The following FAM47E variants were observed in gnomAD, a reference collection of about 807,000 sequenced individuals.
FAM47E encodes the protein protein FAM47E.
A neutral mutation model predicts 41.6 loss-of-function variants in FAM47E; 32 were observed. The ratio of observed to expected loss-of-function variants is 0.77; its 90% CI spans 0.58 to 1.03. FAM47E has a LOEUF of 1.03. FAM47E is among the 50% of genes least tolerant of loss of function. FAM47E has a pLI of 0.00. For missense variants in FAM47E, 424 were observed against 485.4 expected, an observed-to-expected ratio of 0.87 and a Z score of 1.19; for synonymous variants, 184 against 188.7, an observed-to-expected ratio of 0.98 and a Z score of 0.20.
chr4:76,225,879 G>A (rs576013482), intron 2 of FAM47E, among the ~76,000 whole-genome samples: 8 of 152,158 alleles, frequency 5.3e-5, no homozygotes, highest in South Asian at 4.2e-4. Context: ...TCCTGGTTTC[G>A]GTATTAGGGT....
chr4:76,241,130 A>T (rs1378999598), intron 2 of FAM47E, among the ~76,000 whole-genome samples: 1 of 152,098 alleles, frequency 6.6e-6, no homozygotes, highest in East Asian at 1.9e-4. Context: ...ATTAGCCTGA[A>T]ATATAAGCTT....
chr4:76,236,995 A>G (rs1733598860), intron 2 of FAM47E, among the ~76,000 whole-genome samples: 1 of 149,922 alleles, frequency 6.7e-6, no homozygotes, highest in Non-Finnish European at 1.5e-5. Flanking sequence ...TCCCAGGTTC[A>G]TGCCATTCTC....
intron 4 of FAM47E, chr4:76,269,352 C>G (rs1273640814): frequency 6.6e-6 from 1 of 152,438 alleles, no homozygotes; most frequent in Admixed American, 6.5e-5. Context: ...TGCAGTGGCT[C>G]ATGCCTGTAA....
Position 76,276,033 on chromosome 4 carries a change from G to GACAC in FAM47E, c.871-2033_871-2032insCACA, listed in dbSNP as rs757663103. On this transcript the variant is annotated intron_variant, in intron 5 of 7. Transcript: ENST00000424749. ...CATGGGACAGACAGACAGACAGACA[G>GACAC]ACAGACACACACACACACACACACA... 3.4e-4 allele frequency among the ~76,000 whole-genome samples: 27 copies of GACAC among 79,356 alleles called. No individual in the cohort carries two copies. The East Asian group carries it at 4.7e-3, about 14-fold the overall frequency. The allele number at this position is 79,356 out of a possible 152,430, so 52.1% of individuals were successfully genotyped here. A position where few individuals can be genotyped will look rare whatever the true frequency, so the allele number is the denominator to read the frequency against.
At chr4:76,255,417 A>G (rs1036957973) in intron 1 of FAM47E, among the ~76,000 whole-genome samples, 2 of 152,180 alleles carry the variant, frequency 1.3e-5, no homozygotes, top group Non-Finnish European at 1.5e-5. Flanking sequence ...TTCTCAATTT[A>G]TGTTAGCTAT....
At chr4:76,282,153 C>T (rs1003823446) in intron 7 of FAM47E, 9 of 152,126 alleles carry the variant, frequency 5.9e-5, no homozygotes, top group African/African-American at 2.2e-4. Flanking sequence ...AAAATAGAAA[C>T]ACAATCTTTC....
At chr4:76,280,484 G>A in intron 7 of FAM47E, 143 bp downstream of exon 7, 1 of 521,784 alleles carries the variant, frequency 1.9e-6, no homozygotes, top group Non-Finnish European at 3.4e-6. Context: ...GAAAGGGCAT[G>A]CTTCTCCCCA....
chr4:76,283,010 T>G (rs1226630430), intron 7 of FAM47E: 3 of 172,204 alleles, frequency 1.7e-5, no homozygotes, highest in Non-Finnish European at 3.7e-5. Flanking sequence ...TGCACTTACC[T>G]ACACATTCCA....
At chr4:76,248,360 C>T (rs1733877352), upstream of FAM47E, among the ~76,000 whole-genome samples, 1 of 151,878 alleles carries the variant, frequency 6.6e-6, no homozygotes, top group Non-Finnish European at 1.5e-5. Context: ...GCAGATTTGT[C>T]CCTATGTTTT....
chr4:76,271,727 T>C lies in FAM47E; in HGVS notation c.829T>C (p.Phe277Leu), dbSNP rs1405951022. ...CAGTAAACTGCAGGAGACAGAGTTC[T>C]TCCAGAAACTAGGCTATGAGAGGAA... ...GLSKLQETEFFQKLGYERKLQ... is the reference protein window; with the variant it reads ...GLSKLQETEFLQKLGYERKLQ... Residue 277 changes from phenylalanine to leucine, a missense_variant, in exon 5 of 8, where the codon TTC becomes CTC. Physicochemically the swap from Phe to Leu is conservative, Grantham distance 22 (BLOSUM62 0). Transcript: ENST00000424749. The C allele has an allele frequency of 1.3e-6, 2 of 1,551,668 alleles. No individual in the cohort carries two copies. The highest frequency in any genetic ancestry group is 2.4e-5 in the South Asian group (2 of 84,048).
chr4:76,227,138 T>C (rs1391758952), intron 2 of FAM47E, among the ~76,000 whole-genome samples: 1 of 152,210 alleles, frequency 6.6e-6, no homozygotes, highest in African/African-American at 2.4e-5. Context: ...TTGTGCTCTT[T>C]CAGACTTTTT....
upstream of FAM47E, among the ~76,000 whole-genome samples, chr4:76,247,706 A>G (rs947960440): frequency 1.3e-5 from 2 of 151,962 alleles, no homozygotes; most frequent in African/African-American, 4.8e-5. Context: ...ATGATGTTGA[A>G]CATCTTTTGA....
At chr4:76,282,285 G>A (rs569634544) in intron 7 of FAM47E, 1 of 152,292 alleles carries the variant, frequency 6.6e-6, no homozygotes, top group African/African-American at 2.4e-5. Flanking sequence ...ATTCTCAGAA[G>A]GGAGTATGCC....
rs763456757 is a variant in FAM47E at position 76,256,486 on chromosome 4, C to T, written c.383C>T (p.Ala128Val). 5.5e-5 allele frequency: 85 copies of T among 1,551,240 alleles called. 1 individual carries two copies. Among genetic ancestry groups the T allele is most frequent in the Middle Eastern group, 1.7e-4 (1 of 6,012 alleles). ...GCCCACCTGACCCCACATCCCTTAG[C>T]GCTCTACCTGAATCTGGAAGAAGCT... ...VEAHLTPHPL[A>V]LYLNLEEAMP... Residue 128 changes from alanine to valine, a missense_variant, in exon 2 of 8, where the codon GCG becomes GTG. By Grantham distance (64) the Ala-to-Val change is moderately conservative. Coordinates refer to ENST00000424749, the MANE Select transcript of FAM47E (RefSeq NM_001136570.3).
At chr4:76,220,811 C>T (rs2109979525) in intron 2 of FAM47E, among the ~76,000 whole-genome samples, 1 of 152,248 alleles carries the variant, frequency 6.6e-6, no homozygotes, top group East Asian at 1.9e-4. Context: ...AAAGGGATAA[C>T]CAGTCATAGG....
chr4:76,237,351 GTTTTTT>G (rs71924228), intron 2 of FAM47E, among the ~76,000 whole-genome samples: 18 of 141,828 alleles, frequency 1.3e-4, no homozygotes, highest in South Asian at 4.4e-4. Flanking sequence ...GGGCCTTAGA[GTTTTTT>G]TTTTTTTGTT....
At chr4:76,273,902 T>C (rs932060480) in intron 5 of FAM47E, among the ~76,000 whole-genome samples, 1 of 151,878 alleles carries the variant, frequency 6.6e-6, no homozygotes, top group Non-Finnish European at 1.5e-5. Flanking sequence ...CCATCTAGTA[T>C]TTTTTTAGAA....
intron 2 of FAM47E, among the ~76,000 whole-genome samples, chr4:76,220,928 G>C (rs1190586828): frequency 6.6e-6 from 1 of 152,162 alleles, no homozygotes; most frequent in African/African-American, 2.4e-5. Flanking sequence ...AGCGGAGTCA[G>C]TACACACACT....
At chr4:76,220,837 A>G (rs1218806623) in intron 2 of FAM47E, among the ~76,000 whole-genome samples, 1 of 152,238 alleles carries the variant, frequency 6.6e-6, no homozygotes, top group African/African-American at 2.4e-5. Context: ...TTTCTGTTAC[A>G]TAAGAAGCAA....
Sources: gnomAD v4.1 joint callset for allele counts (sites outside exome capture counted in the v4.1 genomes callset) on GRCh38, gnomAD v4.1.1 for gene constraint, MANE v1.5 for transcripts, NCBI Gene and HGNC (gene_info 2026-07-23, HGNC 2026-07-21) for gene names.